SGCZ: variants seen among roughly 807,000 people sequenced by gnomAD.
The protein encoded by SGCZ is zeta-sarcoglycan.
A neutral mutation model predicts 41.3 loss-of-function variants in SGCZ; 40 were observed. The observed-to-expected ratio is 0.97, with a 90% CI of 0.75 to 1.26. The LOEUF is 1.26. Among genes scored for constraint, SGCZ ranks in the 50% most tolerant of loss-of-function variants. The pLI is 0.00. For synonymous variants in SGCZ, 206 were observed against 137.5 expected (o/e 1.50, Z -3.49); for missense variants, 552 against 369.8 (o/e 1.49, Z -4.04).
intron 2 of SGCZ, among the ~76,000 whole-genome samples, chr8:14,511,085 G>C (rs1233228262): frequency 2.6e-5 from 4 of 151,934 alleles, no homozygotes; most frequent in Non-Finnish European, 5.9e-5. Context: ...GTGAATTTAG[G>C]ATGAATTATG....
At chr8:14,551,752 T>C (rs116530219) in intron 2 of SGCZ, among the ~76,000 whole-genome samples, 1,575 of 129,396 alleles carry the variant, frequency 0.012, 25 homozygotes, top group African/African-American at 0.042. Flanking sequence ...TTTCCTTTTT[T>C]GGTTTTCTAC....
At chr8:14,677,672 G>T (rs931508543) in intron 1 of SGCZ, among the ~76,000 whole-genome samples, 1 of 152,186 alleles carries the variant, frequency 6.6e-6, no homozygotes, top group African/African-American at 2.4e-5. Context: ...TCAGGAGGCT[G>T]AGGCAAGAGA....
intron 1 of SGCZ, among the ~76,000 whole-genome samples, chr8:14,737,086 G>GAT (rs1563235597): frequency 2.7e-5 from 4 of 147,692 alleles, no homozygotes; most frequent in Admixed American, 2.1e-4. Flanking sequence ...TGGTATATAA[G>GAT]ATATATATCT....
chr8:14,184,795 T>C (rs34803352), intron 4 of SGCZ, among the ~76,000 whole-genome samples: 36,251 of 152,094 alleles, frequency 0.24, 5,533 homozygotes, highest in Non-Finnish European at 0.34. Flanking sequence ...TGATTTTGGA[T>C]CAGTTTACCT....
chr8:14,798,884 C>T (rs936298023), intron 1 of SGCZ, among the ~76,000 whole-genome samples: 2 of 151,284 alleles, frequency 1.3e-5, no homozygotes, highest in Non-Finnish European at 2.9e-5. Flanking sequence ...GAATAAAATG[C>T]TTTTTAATAT....
At chr8:14,131,793 T>A (rs1803049079) in intron 5 of SGCZ, among the ~76,000 whole-genome samples, 1 of 152,192 alleles carries the variant, frequency 6.6e-6, no homozygotes. Flanking sequence ...ATTTTTATAG[T>A]ACATTTTCTA....
intron 1 of SGCZ, among the ~76,000 whole-genome samples, chr8:14,696,697 C>T (rs79979127): frequency 2.6e-5 from 4 of 151,918 alleles, no homozygotes; most frequent in Non-Finnish European, 2.9e-5. Context: ...TTTTGAGTAG[C>T]CCCATTGTCT....
At chr8:14,386,208 T>C (rs1308659350) in intron 2 of SGCZ, among the ~76,000 whole-genome samples, 2 of 152,084 alleles carry the variant, frequency 1.3e-5, no homozygotes, top group African/African-American at 4.8e-5. Context: ...CAACACTTAT[T>C]GAAGGTTGAA....
chr8:15,006,573 T>G (rs1358724037), intron 1 of SGCZ, among the ~76,000 whole-genome samples: 1 of 152,134 alleles, frequency 6.6e-6, no homozygotes, highest in Admixed American at 6.5e-5. Context: ...AATTAACCAG[T>G]CTCTGCTGCT....
chr8:14,693,350 G>C (rs1413330226), intron 1 of SGCZ, among the ~76,000 whole-genome samples: 1 of 150,148 alleles, frequency 6.7e-6, no homozygotes, highest in Non-Finnish European at 1.5e-5. Flanking sequence ...GGAGTGCAAT[G>C]GCACGATCTC....
intron 3 of SGCZ, among the ~76,000 whole-genome samples, chr8:14,267,676 T>C (rs1389537027): frequency 2.0e-5 from 3 of 152,104 alleles, no homozygotes; most frequent in Admixed American, 2.0e-4. Flanking sequence ...AGCAGTGGGA[T>C]TGTGAATATG....
In SGCZ at chr8:14,089,041, T is replaced by C. The variant is rs79485809; in HGVS notation, c.*1402A>G. Among the ~76,000 whole-genome samples, 441 of 152,116 alleles carry C rather than the reference T, an allele frequency of 2.9e-3. 5 individuals carry two copies. In the East Asian group the frequency reaches 0.061, roughly 21 times the overall value. ...TCTTCCCATAATAGGAAATACTTAA[T>C]ACAGTTTTACATTCTTTGACTCTGT... On this transcript the variant is annotated 3_prime_UTR_variant, in exon 8 of 8. Coordinates refer to ENST00000382080, the MANE Select transcript of SGCZ (RefSeq NM_139167.4).
intron 1 of SGCZ, among the ~76,000 whole-genome samples, chr8:14,931,613 C>T (rs1428611251): frequency 6.6e-6 from 1 of 151,798 alleles, no homozygotes; most frequent in African/African-American, 2.4e-5. Flanking sequence ...AGCTCTGGAG[C>T]CATTTAGATA....
At chr8:15,080,194 A>C (rs1805688360) in intron 1 of SGCZ, among the ~76,000 whole-genome samples, 1 of 152,150 alleles carries the variant, frequency 6.6e-6, no homozygotes, top group Non-Finnish European at 1.5e-5. Context: ...ATATTCAGTG[A>C]AATTTTTTAT....
chr8:14,658,815 A>G (rs1210867791), intron 1 of SGCZ, among the ~76,000 whole-genome samples: 2 of 152,078 alleles, frequency 1.3e-5, no homozygotes, highest in Non-Finnish European at 2.9e-5. Context: ...AATCTAGAAG[A>G]GTATCTAGCA....
At chr8:14,476,562 C>T in intron 2 of SGCZ, among the ~76,000 whole-genome samples, 1 of 152,094 alleles carries the variant, frequency 6.6e-6, no homozygotes, top group East Asian at 1.9e-4. Context: ...CTCTCTCTAA[C>T]TCTTGAGAGG....
At chr8:14,741,850 G>C (rs768313947) in intron 1 of SGCZ, among the ~76,000 whole-genome samples, 2 of 151,970 alleles carry the variant, frequency 1.3e-5, no homozygotes, top group African/African-American at 4.8e-5. Context: ...AAGTAGAACA[G>C]TATCAATATC....
At chr8:14,688,014 T>C (rs1406953342) in intron 1 of SGCZ, among the ~76,000 whole-genome samples, 3 of 152,344 alleles carry the variant, frequency 2.0e-5, no homozygotes, top group South Asian at 2.1e-4. Flanking sequence ...TGTCTGTTCA[T>C]GTCCTTCGCC....
At chr8:14,844,864 C>T (rs779672804) in intron 1 of SGCZ, among the ~76,000 whole-genome samples, 1 of 152,104 alleles carries the variant, frequency 6.6e-6, no homozygotes, top group East Asian at 1.9e-4. Context: ...TGGAAACATA[C>T]AATGCAAGCC....
Sources: allele counts gnomAD v4.1 joint callset (sites outside exome capture counted in the v4.1 genomes callset), GRCh38; gene constraint gnomAD v4.1.1; transcripts MANE v1.5; gene names NCBI Gene and HGNC (gene_info 2026-07-23, HGNC 2026-07-21).